The following CLASP2 variants were observed in gnomAD, a reference collection of about 807,000 sequenced individuals.
The protein encoded by CLASP2 is CLIP-associating protein 2.
A neutral mutation model predicts 194.4 loss-of-function variants in CLASP2; 47 were observed. The ratio of observed to expected loss-of-function variants is 0.24; its 90% CI spans 0.19 to 0.31. The LOEUF (loss-of-function observed/expected upper bound fraction) is 0.31, where lower values mean the gene tolerates loss of function less well. CLASP2 is among the 10% of genes least tolerant of loss of function. CLASP2 has a pLI of 1.00. For synonymous variants in CLASP2, 619 were observed against 633.5 expected (o/e 0.98, Z 0.34); for missense variants, 1,445 against 1,823.6 (o/e 0.79, Z 3.78).
Position 33,668,664 on chromosome 3 carries a change from T to C in CLASP2, c.645-5149A>G, listed in dbSNP as rs149817943. Among the ~76,000 whole-genome samples the C allele has an allele frequency of 1.1e-4, 17 of 152,322 alleles. No homozygotes were observed. The East Asian group carries it at 2.1e-3, about 19-fold the overall frequency. On this transcript the variant is annotated intron_variant, in intron 6 of 38. Coordinates refer to ENST00000682230, the MANE Select transcript of CLASP2 (RefSeq NM_001365631.1). The stretch of plus-strand genomic sequence containing the variant: ...TACTACCTATAAAATAATAAGGCCA[T>C]AGGCGTCAAGAATAGAAAACACTCT...
intron 19 of CLASP2, among the ~76,000 whole-genome samples, chr3:33,596,353 A>C (rs536151672): frequency 6.8e-4 from 104 of 152,288 alleles, no homozygotes; most frequent in African/African-American, 2.4e-3. Context: ...TAGACTAAAG[A>C]GGTGAATGAA....
At chr3:33,670,101 T>C (rs1020195770) in intron 6 of CLASP2, among the ~76,000 whole-genome samples, 9 of 152,050 alleles carry the variant, frequency 5.9e-5, no homozygotes, top group Middle Eastern at 3.4e-3. Flanking sequence ...CACATACATA[T>C]ACACGCACAC....
intron 25 of CLASP2, 115 bp from the exon 26 acceptor site, chr3:33,570,905 G>A: frequency 1.1e-6 from 1 of 926,778 alleles, no homozygotes; most frequent in East Asian, 2.7e-5. Flanking sequence ...GTTGGGCATG[G>A]TGGCTCACGC....
At chr3:33,602,073 G>A (rs2072392780) in intron 18 of CLASP2, among the ~76,000 whole-genome samples, 2 of 150,984 alleles carry the variant, frequency 1.3e-5, no homozygotes, top group South Asian at 4.2e-4. Context: ...CAGTGCAATG[G>A]CACGATTTTG....
chr3:33,667,055 C>G (rs1324747122), intron 6 of CLASP2, among the ~76,000 whole-genome samples: 2 of 152,064 alleles, frequency 1.3e-5, no homozygotes, highest in Admixed American at 1.3e-4. Context: ...ATTGGGTTAT[C>G]TGTCCTTTTA....
In CLASP2 at chr3:33,663,678, A is replaced by G. The variant is rs549508791; in HGVS notation, c.645-163T>C. On this transcript the variant is annotated intron_variant, in intron 6 of 38. Transcript: ENST00000682230. ...TTAACGCACTGAAAGAAGACACAAA[A>G]CCCATCTCTCTTCAGTTGAAAGAAG... is the stretch of plus-strand genomic sequence containing the variant. Among the ~76,000 whole-genome samples, 9 of 152,168 alleles carry G rather than the reference A, an allele frequency of 5.9e-5. No homozygotes were observed. The East Asian group carries it at 1.5e-3, about 26-fold the overall frequency.
At chr3:33,621,046 T>C (rs2077034273) in intron 11 of CLASP2, among the ~76,000 whole-genome samples, 1 of 148,422 alleles carries the variant, frequency 6.7e-6, no homozygotes. Flanking sequence ...TGTGTGAATC[T>C]CCCCTCTTCT....
chr3:33,639,922 GTCTCA>G (rs1382304543), intron 8 of CLASP2, among the ~76,000 whole-genome samples: 1 of 152,160 alleles, frequency 6.6e-6, no homozygotes, highest in Non-Finnish European at 1.5e-5. Flanking sequence ...CTGAGTTCTC[GTCTCA>G]TCTCATCTCA....
intron 23 of CLASP2, among the ~76,000 whole-genome samples, chr3:33,580,105 A>C (rs764376058): frequency 2.6e-5 from 4 of 152,118 alleles, no homozygotes; most frequent in Non-Finnish European, 4.4e-5. Context: ...GCACCTCCCC[A>C]CAGAGGGAAA....
At chr3:33,559,423 G>C in intron 28 of CLASP2, 38 bp from the exon 29 acceptor site, 3 of 1,251,434 alleles carry the variant, frequency 2.4e-6, no homozygotes, top group South Asian at 1.3e-5. Context: ...CAAAAATTTA[G>C]TTAGCAAGTA....
chr3:33,582,433 C>A (rs1043592563), intron 22 of CLASP2, among the ~76,000 whole-genome samples: 5 of 152,074 alleles, frequency 3.3e-5, no homozygotes. Flanking sequence ...GTGGGGAGAA[C>A]TGCCTGAGGC....
intron 12 of CLASP2, among the ~76,000 whole-genome samples, chr3:33,616,439 C>T (rs1444262262): frequency 5.3e-5 from 8 of 151,976 alleles, no homozygotes; most frequent in African/African-American, 1.2e-4. Context: ...ACTTAGCCAA[C>T]CGAATCTAGC....
At chr3:33,525,523 C>T (rs1392612589) in intron 34 of CLASP2, among the ~76,000 whole-genome samples, 1 of 152,060 alleles carries the variant, frequency 6.6e-6, no homozygotes, top group African/African-American at 2.4e-5. Context: ...CCAGGGGAAC[C>T]TCCCCTGCCT....
At position 33,675,205 on chromosome 3, in the gene CLASP2, C is replaced by T. The variant is rs939036762; in HGVS notation, c.644+9154G>A. On this transcript the variant is annotated intron_variant, in intron 6 of 38. Transcript: ENST00000682230. ...AATCCTCAATAAAATACTGGCAAAC[C>T]GAATCCAGCAGCACATCAAAAAGCT... 2.5e-4 allele frequency among the ~76,000 whole-genome samples: 38 copies of T among 151,686 alleles called. 1 individual carries two copies. Among genetic ancestry groups the T allele is most frequent in the South Asian group, 4.2e-4 (2 of 4,798 alleles).
At chr3:33,615,773 G>C (rs917530798) in intron 12 of CLASP2, among the ~76,000 whole-genome samples, 15 of 151,918 alleles carry the variant, frequency 9.9e-5, no homozygotes, top group African/African-American at 3.6e-4. Context: ...TCCCTGATCA[G>C]AATGTCATGA....
chr3:33,550,602 T>C (rs1183505991), intron 30 of CLASP2, among the ~76,000 whole-genome samples: 2 of 151,058 alleles, frequency 1.3e-5, no homozygotes, highest in Non-Finnish European at 1.5e-5. Flanking sequence ...TGAAAAATAA[T>C]AGCCATACAC....
intron 35 of CLASP2, among the ~76,000 whole-genome samples, chr3:33,516,745 C>A (rs1028643071): frequency 2.6e-5 from 4 of 152,064 alleles, no homozygotes; most frequent in Non-Finnish European, 5.9e-5. Flanking sequence ...AAACAAGTAA[C>A]ATGTACTTTT....
At chr3:33,617,358 T>G (rs547815892) in intron 12 of CLASP2, among the ~76,000 whole-genome samples, 2 of 152,240 alleles carry the variant, frequency 1.3e-5, no homozygotes, top group African/African-American at 4.8e-5. Flanking sequence ...AAAGGCTACA[T>G]TGTAATTCAC....
At chr3:33,631,844 A>G (rs1446381594) in intron 9 of CLASP2, among the ~76,000 whole-genome samples, 1 of 104,362 alleles carries the variant, frequency 9.6e-6, no homozygotes, top group Admixed American at 1.1e-4. Context: ...TTACATCACG[A>G]AAAAATATAA....
Sources: gnomAD v4.1 joint callset for allele counts (sites outside exome capture counted in the v4.1 genomes callset) on GRCh38, gnomAD v4.1.1 for gene constraint, MANE v1.5 for transcripts, NCBI Gene and HGNC (gene_info 2026-07-23, HGNC 2026-07-21) for gene names.